Variants in PREX1 observed in about 807,000 individuals in gnomAD.
The protein encoded by PREX1 is phosphatidylinositol-3,4,5-trisphosphate dependent Rac exchange factor 1, also known as phosphatidylinositol 3,4,5-trisphosphate-dependent Rac exchanger 1 protein.
PREX1 carries 41 observed loss-of-function variants against 198.3 expected under a neutral mutation model. The observed-to-expected ratio is 0.21, with a 90% CI of 0.16 to 0.27. The LOEUF (loss-of-function observed/expected upper bound fraction) is 0.27. PREX1 is among the 10% of genes least tolerant of loss of function. The pLI is 1.00. For missense variants in PREX1, 1,620 were observed against 2,200.7 expected (o/e 0.74, Z 5.28); for synonymous variants, 843 against 887.2 (o/e 0.95, Z 0.89).
chr20:48,824,487 G>C (rs2090500359), intron 1 of PREX1, among the ~76,000 whole-genome samples: 1 of 152,082 alleles, frequency 6.6e-6, no homozygotes, highest in Non-Finnish European at 1.5e-5. Flanking sequence ...CTGCTCTCTG[G>C]ATGCTGAAGT....
chr20:48,656,382 G>C (rs2089543148), intron 18 of PREX1: 1 of 433,534 alleles, frequency 2.3e-6, no homozygotes, highest in Non-Finnish European at 4.6e-6. Flanking sequence ...TCGATCAGAA[G>C]CTTCCAGTGG....
intron 7 of PREX1, among the ~76,000 whole-genome samples, chr20:48,698,544 G>A (rs868517479): frequency 6.6e-6 from 1 of 152,128 alleles, no homozygotes; most frequent in East Asian, 1.9e-4. Flanking sequence ...AGAAGGGGGC[G>A]TTCATGAGGG....
At chr20:48,816,138 G>A (rs983100379) in intron 1 of PREX1, among the ~76,000 whole-genome samples, 6 of 151,940 alleles carry the variant, frequency 3.9e-5, no homozygotes, top group African/African-American at 1.2e-4. Context: ...CACCTGCCCC[G>A]TCTCGCTCAG....
chr20:48,697,547 A>AT (rs558892208), intron 7 of PREX1, among the ~76,000 whole-genome samples: 207 of 151,940 alleles, frequency 1.4e-3, no homozygotes, highest in African/African-American at 4.7e-3. Context: ...CACCTGGCTA[A>AT]TTTTTTTATA....
intron 2 of PREX1, 62 bp downstream of exon 2, chr20:48,747,747 G>C (rs1391465677): frequency 2.0e-6 from 3 of 1,518,416 alleles, no homozygotes; most frequent in East Asian, 2.3e-5. Flanking sequence ...CATCGCACGG[G>C]AAGAGCAAGG....
intron 7 of PREX1, among the ~76,000 whole-genome samples, chr20:48,700,527 ATTAT>A (rs775802143): frequency 6.6e-6 from 1 of 152,246 alleles, no homozygotes; most frequent in Non-Finnish European, 1.5e-5. Flanking sequence ...ACTAAAATAT[ATTAT>A]TTAAATTCAT....
chr20:48,835,566 G>C, the PREX1 span, among the ~76,000 whole-genome samples: 1 of 152,192 alleles, frequency 6.6e-6, no homozygotes, highest in Non-Finnish European at 1.5e-5. Flanking sequence ...AGAAGTGAGG[G>C]AGTGGGCCCC....
intron 1 of PREX1, among the ~76,000 whole-genome samples, chr20:48,793,597 C>T (rs1321731015): frequency 3.3e-5 from 5 of 152,158 alleles, no homozygotes; most frequent in African/African-American, 4.8e-5. Flanking sequence ...GAGAGGGTTA[C>T]GTGATTTTTC....
chr20:48,842,544 G>A, the PREX1 span, among the ~76,000 whole-genome samples: 1 of 151,616 alleles, frequency 6.6e-6, no homozygotes, highest in African/African-American at 2.4e-5. Context: ...CCAGCGTGGT[G>A]CAGTGAACCG....
chr20:48,696,537 T>C (rs188344025), intron 7 of PREX1, among the ~76,000 whole-genome samples: 25 of 152,342 alleles, frequency 1.6e-4, no homozygotes, highest in Non-Finnish European at 3.2e-4. Context: ...TTCTTCATAA[T>C]TGTCTTAGCT....
chr20:48,852,672 C>T, the PREX1 span, among the ~76,000 whole-genome samples: 1 of 152,068 alleles, frequency 6.6e-6, no homozygotes, highest in African/African-American at 2.4e-5. Flanking sequence ...GTAGCAAGGC[C>T]CTAGATCTCC....
chr20:48,632,172 G>C (rs2089319665), intron 35 of PREX1, 105 bp downstream of exon 35: 1 of 1,048,666 alleles, frequency 9.5e-7, no homozygotes, highest in African/African-American at 1.6e-5. Flanking sequence ...AGGGTGTGCG[G>C]CCCACTGCCC....
chr20:48,771,599 T>C (rs2090236232), intron 1 of PREX1, among the ~76,000 whole-genome samples: 1 of 151,972 alleles, frequency 6.6e-6, no homozygotes. Context: ...ACTGTGCCAT[T>C]ACACTCCAGC....
intron 1 of PREX1, among the ~76,000 whole-genome samples, chr20:48,763,240 C>T (rs1036532670): frequency 6.6e-6 from 1 of 152,252 alleles, no homozygotes. Flanking sequence ...AAGCACTGTA[C>T]GAACTGTAGC....
At chr20:48,805,170 TAGC>T (rs1477089005) in intron 1 of PREX1, among the ~76,000 whole-genome samples, 1 of 152,200 alleles carries the variant, frequency 6.6e-6, no homozygotes, top group Non-Finnish European at 1.5e-5. Context: ...GAAACGGTGA[TAGC>T]AGCAGGACAT....
intron 1 of PREX1, among the ~76,000 whole-genome samples, chr20:48,822,492 G>C (rs2090490521): frequency 1.3e-5 from 2 of 152,252 alleles, no homozygotes; most frequent in East Asian, 1.9e-4. Flanking sequence ...TGCAACTTTT[G>C]AGTTAATGCT....
intron 3 of PREX1, among the ~76,000 whole-genome samples, chr20:48,740,681 A>C (rs758417785): frequency 6.6e-6 from 1 of 152,240 alleles, no homozygotes; most frequent in Non-Finnish European, 1.5e-5. Flanking sequence ...ATCCTCCGTG[A>C]GCAGGCAGGA....
At chr20:48,758,205 A>T (rs1041448791) in intron 1 of PREX1, among the ~76,000 whole-genome samples, 1 of 152,334 alleles carries the variant, frequency 6.6e-6, no homozygotes, top group Middle Eastern at 3.4e-3. Context: ...ACCGTGTGGA[A>T]CGCACACCTC....
chr20:48,714,351 A>T (rs1354581860), intron 5 of PREX1, among the ~76,000 whole-genome samples: 1 of 152,254 alleles, frequency 6.6e-6, no homozygotes, highest in Non-Finnish European at 1.5e-5. Flanking sequence ...TGAGGAAAAT[A>T]GTATCAATTA....
Sources: allele counts gnomAD v4.1 joint callset (sites outside exome capture counted in the v4.1 genomes callset), GRCh38; gene constraint gnomAD v4.1.1; transcripts MANE v1.5; gene names NCBI Gene and HGNC (gene_info 2026-07-23, HGNC 2026-07-21).